Variants in IRAG1 observed in about 807,000 individuals in gnomAD.
The protein encoded by IRAG1 is IP3R-associated cGMP kinase substrate.
A neutral mutation model predicts 106.2 loss-of-function variants in IRAG1; 62 were observed. That is an observed-to-expected ratio of 0.58 (90% CI 0.48 to 0.72). IRAG1 has a LOEUF of 0.72. Among genes scored for constraint, IRAG1 ranks in the 30% least tolerant of loss-of-function variants. IRAG1 has a pLI of 0.00. For missense variants in IRAG1, 1,064 were observed against 1,140.7 expected, an observed-to-expected ratio of 0.93 and a Z score of 0.97; for synonymous variants, 462 against 443.9, an observed-to-expected ratio of 1.04 and a Z score of -0.51.
At chr11:10,686,011 AGAAGCCCAG>A (rs1861637877) in intron 1 of IRAG1, among the ~76,000 whole-genome samples, 1 of 152,186 alleles carries the variant, frequency 6.6e-6, no homozygotes. Flanking sequence ...GTCTTAGGTA[AGAAGCCCAG>A]GAAGACATTA....
rs750661108 is a variant in IRAG1, at chr11:10,682,755, A to G, written c.67+10781T>C. Among the ~76,000 whole-genome samples the G allele has an allele frequency of 3.2e-4, 48 of 152,244 alleles. 1 individual carries two copies. The highest frequency in any genetic ancestry group is 1.3e-4 in the Admixed American group (2 of 15,288). Reference sequence around the variant, plus strand: ...AAAGACAACTATAAATAAGTGGGTGATGACATTCTTTGAAGACACTTTTAC... The same window carrying G: ...AAAGACAACTATAAATAAGTGGGTGGTGACATTCTTTGAAGACACTTTTAC... On this transcript the variant is annotated intron_variant, in intron 1 of 20. Transcript: ENST00000423302.
chr11:10,676,363 C>T (rs1348601809), intron 1 of IRAG1, among the ~76,000 whole-genome samples: 3 of 152,208 alleles, frequency 2.0e-5, no homozygotes, highest in Middle Eastern at 3.2e-3. Flanking sequence ...TTCGCCCATG[C>T]GGTCCCCAGT....
At chr11:10,590,316 A>AG (rs1384872313) in intron 18 of IRAG1, among the ~76,000 whole-genome samples, 2 of 152,178 alleles carry the variant, frequency 1.3e-5, no homozygotes, top group Non-Finnish European at 2.9e-5. Flanking sequence ...TATAACACGA[A>AG]GGACCTGTGA....
At chr11:10,693,497 C>G (rs775588203) in intron 1 of IRAG1, 39 bp downstream of exon 1, 4 of 1,535,046 alleles carry the variant, frequency 2.6e-6, no homozygotes, top group East Asian at 2.4e-5. Context: ...GCTTCCCAGC[C>G]GAAGAGGCAG....
chr11:10,634,753 T>TTGTGTGTGTGTGTGTGTG (rs57266330), intron 2 of IRAG1, among the ~76,000 whole-genome samples: 119 of 145,044 alleles, frequency 8.2e-4, no homozygotes, highest in Middle Eastern at 3.5e-3. Flanking sequence ...AATAATATTC[T>TTGTGTGTGTGTGTGTGTG]TGTGTGTGTG....
At position 10,628,103 on chromosome 11, in the gene IRAG1, C is replaced by T; in HGVS notation, c.653-78G>A. 1.3e-6 allele frequency: 2 copies of T among 1,482,252 alleles called. No individual in the cohort carries two copies. The highest frequency in any genetic ancestry group is 1.9e-6 in the Non-Finnish European group (2 of 1,071,072). The allele number at this position is 1,482,252 out of a possible 1,614,324, so 91.8% of individuals were successfully genotyped here. ...TGTGCTTTCAGCCACATCTCCCTCC[C>T]CGGGCTATCCTCCCTTTGCAATCTC... is the stretch of plus-strand genomic sequence containing the variant. On this transcript the variant is annotated intron_variant, in intron 6 of 20. Coordinates refer to ENST00000423302, the MANE Select transcript of IRAG1 (RefSeq NM_130385.4). This position sits in a 1 kb window ranked among gnomAD's most constrained non-coding sequence, Gnocchi z 4.1.
rs1861359904 is a variant in IRAG1 at position 10,682,752 on chromosome 11, GTGA to G, written c.67+10781_67+10783del. Among the ~76,000 whole-genome samples, 2 of 152,208 alleles carry G rather than the reference GTGA, an allele frequency of 1.3e-5. 1 individual carries two copies. The stretch of plus-strand genomic sequence containing the variant: ...CAGAAAGACAACTATAAATAAGTGG[GTGA>G]TGACATTCTTTGAAGACACTTTTAC... On this transcript the variant is annotated intron_variant, in intron 1 of 20. Transcript: ENST00000423302.
chr11:10,584,475 T>C (rs1452420783), intron 18 of IRAG1, among the ~76,000 whole-genome samples: 1 of 148,518 alleles, frequency 6.7e-6, no homozygotes, highest in Non-Finnish European at 1.5e-5. Flanking sequence ...AGTTTCCTAT[T>C]TATCCAAACG....
intron 1 of IRAG1, among the ~76,000 whole-genome samples, chr11:10,680,356 A>AGG (rs1491435947): frequency 1.2e-5 from 1 of 85,080 alleles, no homozygotes; most frequent in Non-Finnish European, 2.2e-5. Flanking sequence ...AAAGAAAGAA[A>AGG]GAAAGAAAGA....
chr11:10,691,855 A>G (rs1862081710), intron 1 of IRAG1, among the ~76,000 whole-genome samples: 1 of 152,122 alleles, frequency 6.6e-6, no homozygotes, highest in Non-Finnish European at 1.5e-5. Flanking sequence ...TCCAGAGACC[A>G]TGGCCTGGGG....
At position 10,575,374 on chromosome 11, in the gene IRAG1, TTTCAAAGAGAGAATAGGGAATAGA is replaced by T. The variant is rs1312841789; in HGVS notation, c.*934_*957del. On this transcript the variant is annotated 3_prime_UTR_variant, in exon 21 of 21. Transcript: ENST00000423302. ...TTCACCTGTGAGGTGGGTTAACTGT[TTTCAAAGAGAGAATAGGGAATAGA>T]TTGTGCTGTACAGCAGCTCAGAGTT... The T allele has an allele frequency of 6.6e-6, 1 of 152,224 alleles. No homozygotes were observed. The highest frequency in any genetic ancestry group is 1.5e-5 in the Non-Finnish European group (1 of 68,032). The allele number at this position is 152,224 out of a possible 1,614,324, so 9.4% of individuals were successfully genotyped here.
chr11:10,610,039 A>G (rs1160838527), intron 10 of IRAG1, among the ~76,000 whole-genome samples, 188 bp from the exon 11 acceptor site: 23 of 152,230 alleles, frequency 1.5e-4, no homozygotes, highest in Non-Finnish European at 1.3e-4. Flanking sequence ...AGATAAGCCA[A>G]GGCTCAGCAA....
intron 1 of IRAG1, among the ~76,000 whole-genome samples, chr11:10,680,540 G>GGAA (rs1861169565): frequency 1.2e-5 from 1 of 85,728 alleles, no homozygotes; most frequent in African/African-American, 5.4e-5. Context: ...AGGAAGGAAG[G>GGAA]GGAAGGGGAA....
rs1417473387 is a variant in IRAG1 at position 10,659,160 on chromosome 11, C to T, written c.68-6978G>A. Among the ~76,000 whole-genome samples, 1 of 152,178 alleles carries T rather than the reference C, an allele frequency of 6.6e-6. No individual in the cohort carries two copies. Among genetic ancestry groups the T allele is most frequent in the East Asian group, 1.9e-4 (1 of 5,198 alleles). On this transcript the variant is annotated intron_variant, in intron 1 of 20. Transcript: ENST00000423302. The surrounding 1 kb of genome is among the most constrained non-coding windows in gnomAD (Gnocchi z 4.1). ...TCCCCCAAAACAGAGGTTTTTGTTC[C>T]ACAGGTGAGACATGAGGCCTAGTGT...
intron 1 of IRAG1, among the ~76,000 whole-genome samples, chr11:10,689,412 G>C (rs1861895974): frequency 1.3e-5 from 2 of 152,182 alleles, no homozygotes; most frequent in African/African-American, 4.8e-5. Flanking sequence ...AACTTAAGAA[G>C]GAATAATGTT....
Position 10,680,524 on chromosome 11 carries a change from A to AAAGG in IRAG1, c.67+13008_67+13011dup, listed in dbSNP as rs368939954. Among the ~76,000 whole-genome samples, 1,166 of 139,108 alleles carry AAAGG rather than the reference A, an allele frequency of 8.4e-3. 25 individuals carry two copies. The highest frequency in any genetic ancestry group is 0.031 in the African/African-American group (1,058 of 34,158). The allele number at this position is 139,108 out of a possible 152,430, so 91.3% of individuals were successfully genotyped here. On this transcript the variant is annotated intron_variant, in intron 1 of 20. Transcript: ENST00000423302. ...GAGAGAAAGGGAAAAAGAAAGGAAGAAAGGAAGGAAGGAAGGGGAAGGGGA... is the reference window on the plus strand; with the variant it reads ...GAGAGAAAGGGAAAAAGAAAGGAAGAAAGGAAGGAAGGAAGGAAGGGGAAGGGGA...
chr11:10,615,789 C>T (rs1465740736), intron 10 of IRAG1, among the ~76,000 whole-genome samples: 3 of 151,324 alleles, frequency 2.0e-5, no homozygotes, highest in Non-Finnish European at 1.5e-5. Context: ...TGGTGGGGTC[C>T]GGGGGATGGG....
chr11:10,601,164 C>T, intron 14 of IRAG1, 105 bp from the exon 15 acceptor site: 2 of 1,472,642 alleles, frequency 1.4e-6, no homozygotes, highest in Non-Finnish European at 1.8e-6. Context: ...CAAAAGGATA[C>T]AGGGACAAGA....
rs191016782 is a variant in IRAG1, at chr11:10,660,774, T to C, written c.68-8592A>G. On this transcript the variant is annotated intron_variant, in intron 1 of 20. Transcript: ENST00000423302. ...TTCCCTCCCCAGCCCACTCCTCCTG[T>C]GCCCCAGAGAATGGCACTCAAGCTA... 2.3e-3 allele frequency among the ~76,000 whole-genome samples: 352 copies of C among 152,304 alleles called. 1 individual carries two copies. The highest frequency in any genetic ancestry group is 8.3e-3 in the African/African-American group (343 of 41,568).
Sources: allele counts gnomAD v4.1 joint callset (sites outside exome capture counted in the v4.1 genomes callset), GRCh38; gene constraint gnomAD v4.1.1; non-coding constraint Gnocchi (gnomAD v3.1); transcripts MANE v1.5; gene names NCBI Gene and HGNC (gene_info 2026-07-23, HGNC 2026-07-21).